Variants in ZNF536 observed in about 807,000 individuals in gnomAD.
The protein encoded by ZNF536 is zinc finger protein 536.
In ZNF536, 13 loss-of-function variants were observed where a neutral mutation model predicts 84.5. The ratio of observed to expected loss-of-function variants is 0.15; its 90% CI spans 0.10 to 0.24. ZNF536 has a LOEUF of 0.24. ZNF536 is among the 10% of genes least tolerant of loss of function. The probability of loss-of-function intolerance (pLI) is 1.00; values close to 1 mark genes in which losing one functional copy is unlikely to be tolerated. For synonymous variants in ZNF536, 811 were observed against 742.5 expected (o/e 1.09, Z -1.50); for missense variants, 1,536 against 1,747.5 (o/e 0.88, Z 2.16).
intron 2 of ZNF536, among the ~76,000 whole-genome samples, chr19:30,482,883 G>A (rs945844108): frequency 2.0e-5 from 3 of 152,178 alleles, no homozygotes; most frequent in Non-Finnish European, 4.4e-5. Flanking sequence ...GCTTCAGCAA[G>A]CTTCTAGTAT....
chr19:30,393,843 G>A (rs2147375791), intron 1 of ZNF536, among the ~76,000 whole-genome samples: 1 of 152,300 alleles, frequency 6.6e-6, no homozygotes, highest in African/African-American at 2.4e-5. Context: ...AAAGCAGTGG[G>A]TAAAGCCATC....
intron 1 of ZNF536, among the ~76,000 whole-genome samples, chr19:30,703,091 C>T (rs1204636852): frequency 6.6e-6 from 1 of 152,142 alleles, no homozygotes; most frequent in Non-Finnish European, 1.5e-5. Context: ...GCAGAGGCAG[C>T]TGCATGGAGG....
exon 2 of ZNF536, chr19:30,711,784 A>T (rs1347662983): frequency 6.6e-6 from 1 of 152,110 alleles, no homozygotes; most frequent in Non-Finnish European, 1.5e-5. Flanking sequence ...TTGGATGAAG[A>T]AGGAAGTTGC....
At chr19:30,459,496 G>A (rs1436164280) in intron 2 of ZNF536, among the ~76,000 whole-genome samples, 1 of 151,820 alleles carries the variant, frequency 6.6e-6, no homozygotes. Context: ...GACTCCAGGT[G>A]CATCCCATCA....
chr19:30,500,855 G>C (rs368958554), intron 2 of ZNF536, among the ~76,000 whole-genome samples: 1 of 152,240 alleles, frequency 6.6e-6, no homozygotes, highest in African/African-American at 2.4e-5. Flanking sequence ...TATCCCAGCA[G>C]TGCTACCTCC....
chr19:30,305,089 G>T (rs946459280), intron 2 of ZNF536, among the ~76,000 whole-genome samples: 7 of 152,134 alleles, frequency 4.6e-5, no homozygotes, highest in African/African-American at 1.7e-4. Context: ...GGAGGCTGAG[G>T]GTTTTGCTTT....
At chr19:30,493,722 G>A (rs551482672) in intron 2 of ZNF536, among the ~76,000 whole-genome samples, 3 of 152,180 alleles carry the variant, frequency 2.0e-5, no homozygotes, top group African/African-American at 4.8e-5. Flanking sequence ...GAAAAAAATC[G>A]TATCATGATG....
At chr19:30,588,993 G>A (rs2047188258) in intron 1 of ZNF536, among the ~76,000 whole-genome samples, 1 of 152,218 alleles carries the variant, frequency 6.6e-6, no homozygotes, top group Non-Finnish European at 1.5e-5. Flanking sequence ...AAAGAATAGA[G>A]CTATTCAGAC....
At chr19:30,487,657 A>C (rs1289291979) in intron 2 of ZNF536, among the ~76,000 whole-genome samples, 2 of 152,184 alleles carry the variant, frequency 1.3e-5, no homozygotes, top group Admixed American at 6.5e-5. Context: ...CATGTTAAGA[A>C]GGTCAAACTT....
intron 1 of ZNF536, among the ~76,000 whole-genome samples, chr19:30,374,220 A>G (rs1415911313): frequency 1.3e-5 from 2 of 152,108 alleles, no homozygotes; most frequent in Non-Finnish European, 2.9e-5. Context: ...GTAGTTCTCT[A>G]TAGGTTGAAG....
rs149367263 is a variant in ZNF536 at position 30,377,375 on chromosome 19, G to T, written c.-3+4819G>T. ...CCACACTATAGTCGCTTCTGTGGTCGCCAGAATGATGTTACGGGAAAGAGG... is the reference window on the plus strand; with the variant it reads ...CCACACTATAGTCGCTTCTGTGGTCTCCAGAATGATGTTACGGGAAAGAGG... On this transcript the variant is annotated intron_variant, in intron 1 of 4. Coordinates refer to ENST00000355537, the MANE Select transcript of ZNF536 (RefSeq NM_014717.3). Among the ~76,000 whole-genome samples, 3 of 152,226 alleles carry T rather than the reference G, an allele frequency of 2.0e-5. No homozygotes were observed. The East Asian group carries it at 5.8e-4, about 29-fold the overall frequency.
chr19:30,444,864 G>T lies in ZNF536; in HGVS notation c.1302G>T (p.Leu434=). ...TGTACTCCAGGTACCTCTCCTGCCT[G>T]CAGAGTGGCTTCATGACCCCGGACA... The part of the protein sequence containing the change: ...ANLYSRYLSC[L]QSGFMTPDKA... The change falls in exon 2 of 5, where the codon CTG becomes CTT. Residue 434 remains leucine (L), a synonymous_variant. Coordinates refer to ENST00000355537, the MANE Select transcript of ZNF536 (RefSeq NM_014717.3). 1.9e-6 allele frequency: 3 copies of T among 1,613,344 alleles called. No individual in the cohort carries two copies. Among genetic ancestry groups the T allele is most frequent in the Non-Finnish European group, 2.5e-6 (3 of 1,179,832 alleles).
intron 1 of ZNF536, among the ~76,000 whole-genome samples, chr19:30,687,518 T>C (rs12232879): frequency 0.18 from 27,801 of 152,160 alleles, 2,594 homozygotes; most frequent in South Asian, 0.22. Context: ...GCCCTTCCCA[T>C]ACAAAAGGGA....
rs34995610 is a variant in ZNF536, at chr19:30,569,559, C to CTTTTT, written c.169+20071_169+20075dup. Among the ~76,000 whole-genome samples the CTTTTT allele has an allele frequency of 5.2e-3, 286 of 55,078 alleles. 55 individuals carry two copies. Among genetic ancestry groups the CTTTTT allele is most frequent in the African/African-American group, 0.017 (223 of 13,210 alleles). The allele number at this position is 55,078 out of a possible 152,430, so 36.1% of individuals were successfully genotyped here. A position where few individuals can be genotyped will look rare whatever the true frequency, so the allele number is the denominator to read the frequency against. On this transcript the variant is annotated intron_variant, in intron 1 of 1. Coordinates refer to the ZNF536 transcript ENST00000592773. ...ATGGAATCGAAGCCAGATAAACGTT[C>CTTTTT]TTTTTTTTTTTTTTTTTTTTTTTTT...
intron 2 of ZNF536, among the ~76,000 whole-genome samples, chr19:30,336,605 C>A (rs2047391930): frequency 6.6e-6 from 1 of 152,082 alleles, no homozygotes; most frequent in Admixed American, 6.6e-5. Flanking sequence ...CAGAGAAAAG[C>A]ATGCCTGGAA....
At position 30,391,102 on chromosome 19, in the gene ZNF536, A is replaced by C. The variant is rs2049569067; in HGVS notation, c.-3+18546A>C. On this transcript the variant is annotated intron_variant, in intron 1 of 4. Transcript: ENST00000355537. ...GAGTCCCAGCTCTTGCACTGCACAT[A>C]CCTGGGAAGGTGGTTAGGAGCAGGC... Among the ~76,000 whole-genome samples, 3 of 152,156 alleles carry C rather than the reference A, an allele frequency of 2.0e-5. No homozygotes were observed. In the South Asian group the frequency reaches 6.2e-4, roughly 32 times the overall value.
At chr19:30,544,881 A>C (rs1310497029) in intron 3 of ZNF536, among the ~76,000 whole-genome samples, 1 of 152,186 alleles carries the variant, frequency 6.6e-6, no homozygotes, top group Admixed American at 6.5e-5. Flanking sequence ...AGGAAGAAAA[A>C]GTCCCAAGAC....
chr19:30,326,496 C>A (rs2047028794), intron 2 of ZNF536, among the ~76,000 whole-genome samples: 1 of 152,184 alleles, frequency 6.6e-6, no homozygotes, highest in African/African-American at 2.4e-5. Flanking sequence ...CCGGACAAGT[C>A]ACTTTGGCTT....
intron 1 of ZNF536, among the ~76,000 whole-genome samples, chr19:30,571,282 G>T (rs931772201): frequency 3.9e-5 from 6 of 152,266 alleles, no homozygotes; most frequent in Non-Finnish European, 7.4e-5. Context: ...CATTCTACTG[G>T]GGGTCTTTGA....
Sources: gnomAD v4.1 joint callset for allele counts (sites outside exome capture counted in the v4.1 genomes callset) on GRCh38, gnomAD v4.1.1 for gene constraint, MANE v1.5 for transcripts, NCBI Gene and HGNC (gene_info 2026-07-23, HGNC 2026-07-21) for gene names.